Variants in NTRK2 observed in about 807,000 individuals in gnomAD.
The protein encoded by NTRK2 is neurotrophic receptor tyrosine kinase 2.
Under a neutral mutation model 94.5 loss-of-function variants are expected in NTRK2, and 13 were observed. The observed-to-expected ratio is 0.14, with a 90% confidence interval of 0.09 to 0.22. The LOEUF is 0.22. Among genes scored for constraint, NTRK2 ranks in the 10% least tolerant of loss-of-function variants. The pLI, the probability that NTRK2 is intolerant of heterozygous loss-of-function variation, is 1.00. For synonymous variants in NTRK2, 372 were observed against 407.4 expected (o/e 0.91, Z 1.05); for missense variants, 639 against 1,071.2 (o/e 0.60, Z 5.63).
intron 14 of NTRK2, among the ~76,000 whole-genome samples, chr9:84,894,447 T>C (rs976787963): frequency 3.9e-5 from 6 of 152,166 alleles, no homozygotes; most frequent in Admixed American, 2.0e-4. Flanking sequence ...ATCCCAACTT[T>C]TTGTTCTGTC....
At chr9:84,714,796 T>C (rs2061611813) in intron 6 of NTRK2, among the ~76,000 whole-genome samples, 2 of 152,016 alleles carry the variant, frequency 1.3e-5, no homozygotes, top group Non-Finnish European at 2.9e-5. Context: ...AGTCACAGAT[T>C]TGAAGTTCAT....
intron 6 of NTRK2, among the ~76,000 whole-genome samples, chr9:84,720,626 A>C (rs946630794): frequency 2.0e-5 from 3 of 152,224 alleles, no homozygotes; most frequent in Non-Finnish European, 4.4e-5. Context: ...AATTGAGGAA[A>C]GCTTATAATT....
intron 12 of NTRK2, chr9:84,815,474 T>C: frequency 1.9e-6 from 2 of 1,044,426 alleles, no homozygotes; most frequent in Non-Finnish European, 2.3e-6. Flanking sequence ...TGTTCAACCA[T>C]TTGCTGTAAT....
intron 17 of NTRK2, among the ~76,000 whole-genome samples, chr9:85,013,861 A>G (rs903510668): frequency 2.0e-5 from 3 of 152,024 alleles, no homozygotes; most frequent in African/African-American, 7.3e-5. Context: ...ATAAGTTATC[A>G]CTCACTCACT....
At chr9:84,739,678 G>C (rs905881759) in intron 9 of NTRK2, among the ~76,000 whole-genome samples, 1 of 152,142 alleles carries the variant, frequency 6.6e-6, no homozygotes, top group Non-Finnish European at 1.5e-5. Flanking sequence ...GTGGGGGTCT[G>C]TGGGGGCCTG....
intron 6 of NTRK2, among the ~76,000 whole-genome samples, chr9:84,715,949 A>G (rs1261313177): frequency 6.6e-6 from 1 of 152,254 alleles, no homozygotes; most frequent in Middle Eastern, 3.4e-3. Context: ...CTTATCTGAG[A>G]GCTTCTTCAG....
chr9:84,809,186 C>T (rs1032277255), intron 12 of NTRK2, among the ~76,000 whole-genome samples: 1 of 151,974 alleles, frequency 6.6e-6, no homozygotes, highest in Non-Finnish European at 1.5e-5. Flanking sequence ...AGTTTGGGTG[C>T]AATGCTAAGT....
chr9:84,864,374 G>A (rs1413040561), intron 13 of NTRK2, among the ~76,000 whole-genome samples: 1 of 152,064 alleles, frequency 6.6e-6, no homozygotes, highest in African/African-American at 2.4e-5. Flanking sequence ...AGGGGGGTGA[G>A]GGATAAAAGG....
chr9:84,818,225 C>T, intron 12 of NTRK2, among the ~76,000 whole-genome samples: 1 of 152,174 alleles, frequency 6.6e-6, no homozygotes, highest in East Asian at 1.9e-4. Flanking sequence ...GATTTGAGTT[C>T]AAGCAGGCTG....
intron 12 of NTRK2, among the ~76,000 whole-genome samples, chr9:84,832,745 A>G (rs570896755): frequency 1.4e-4 from 21 of 152,290 alleles, no homozygotes; most frequent in African/African-American, 4.6e-4. Context: ...CACTGTCTTC[A>G]TTCACCTCAG....
intron 12 of NTRK2, among the ~76,000 whole-genome samples, chr9:84,806,689 ATAGTTGGTG>A (rs1436268754): frequency 1.3e-5 from 2 of 152,252 alleles, no homozygotes; most frequent in African/African-American, 4.8e-5. Flanking sequence ...ACAGCAAGGG[ATAGTTGGTG>A]CAGCAACCAA....
chr9:84,984,340 G>A (rs1284452653), intron 17 of NTRK2, among the ~76,000 whole-genome samples: 3 of 152,062 alleles, frequency 2.0e-5, no homozygotes, highest in Non-Finnish European at 4.4e-5. Flanking sequence ...TGGCATAGTG[G>A]TGCACGCCTG....
At chr9:84,830,511 A>C (rs1005182093) in intron 12 of NTRK2, among the ~76,000 whole-genome samples, 2 of 150,708 alleles carry the variant, frequency 1.3e-5, no homozygotes, top group Admixed American at 6.6e-5. Flanking sequence ...GTGTGTGAGC[A>C]TGCGTGTATG....
chr9:84,723,952 G>T (rs1221222057), intron 7 of NTRK2, among the ~76,000 whole-genome samples: 1 of 152,196 alleles, frequency 6.6e-6, no homozygotes, highest in African/African-American at 2.4e-5. Context: ...TGAGCTCTTT[G>T]TATCATCCTG....
chr9:84,901,633 A>G (rs1338066803), intron 14 of NTRK2, among the ~76,000 whole-genome samples: 4 of 152,316 alleles, frequency 2.6e-5, no homozygotes, highest in South Asian at 4.1e-4. Flanking sequence ...TGTGAAGAGC[A>G]TATTGATTTT....
Position 84,670,940 on chromosome 9 carries a change from T to G in NTRK2, c.192T>G (p.Asp64Glu), listed in dbSNP as rs201875843. Residue 64 changes from aspartate to glutamate, a missense_variant, in exon 2 of 19, where the codon GAT becomes GAG. By Grantham distance (45) the Asp-to-Glu change is conservative. This residue lies in a region of NTRK2 where 206 missense variants were observed against 251.5 expected (regional missense o/e 0.82). Transcript: ENST00000277120. ...CGAGATTGGAGCCTAACAGTGTAGA[T>G]CCTGAGAACATCACCGAAATGTGAG... ...AFPRLEPNSV[D>E]PENITEIFIA... 6.2e-7 allele frequency: 1 copy of G among 1,605,870 alleles called. No individual in the cohort carries two copies. The highest frequency in any genetic ancestry group is 2.2e-5 in the East Asian group (1 of 44,876).
chr9:84,724,375 A>C lies in NTRK2; in HGVS notation c.853+19A>C. On this transcript the variant is annotated intron_variant, in intron 8 of 18. Transcript: ENST00000277120. The stretch of plus-strand genomic sequence containing the variant: ...GTGCATTGTACGTAATCAGACTGGC[A>C]TGTGTTTTTAATAGCAAATGATCAT... 6.2e-7 allele frequency: 1 copy of C among 1,614,086 alleles called. No individual in the cohort carries two copies. Among genetic ancestry groups the C allele is most frequent in the Non-Finnish European group, 8.5e-7 (1 of 1,179,972 alleles).
intron 11 of NTRK2, among the ~76,000 whole-genome samples, chr9:84,748,060 A>C (rs2064252363): frequency 6.6e-6 from 1 of 152,212 alleles, no homozygotes; most frequent in Non-Finnish European, 1.5e-5. Context: ...TTTCTGGTCC[A>C]ACAAGTGCTC....
intron 14 of NTRK2, among the ~76,000 whole-genome samples, chr9:84,870,331 G>GTGTGTGTGTGTGTATATATATATA (rs1349303529): frequency 7.7e-4 from 24 of 31,168 alleles, no homozygotes; most frequent in East Asian, 3.4e-3. Context: ...GTGTGTGTGT[G>GTGTGTGTGTGTGTATATATATATA]TATATATATA....
Sources: gnomAD v4.1 joint callset for allele counts (sites outside exome capture counted in the v4.1 genomes callset) on GRCh38, gnomAD v4.1.1 for gene constraint, gnomAD v4.1.1 regional missense constraint, MANE v1.5 for transcripts, NCBI Gene and HGNC (gene_info 2026-07-23, HGNC 2026-07-21) for gene names.